HSPA4: variants seen among roughly 807,000 people sequenced by gnomAD.
HSPA4 encodes heat shock 70 kDa protein 4.
Under a neutral mutation model 106.2 loss-of-function variants are expected in HSPA4, and 25 were observed. The observed-to-expected ratio is 0.24, with a 90% confidence interval of 0.17 to 0.33. HSPA4 has a LOEUF of 0.33. Among genes scored for constraint, HSPA4 ranks in the 10% least tolerant of loss-of-function variants. The pLI is 1.00. For synonymous variants in HSPA4, 332 were observed against 333.6 expected, an observed-to-expected ratio of 1.00 and a Z score of 0.05; for missense variants, 841 against 996.0, an observed-to-expected ratio of 0.84 and a Z score of 2.10.
intron 12 of HSPA4, 33 bp downstream of exon 12, chr5:133,091,407 C>G: frequency 6.6e-7 from 1 of 1,522,404 alleles, no homozygotes; most frequent in South Asian, 1.2e-5. Context: ...CTTGTGATGG[C>G]CCAGAGGTGA....
Position 133,065,104 on chromosome 5 carries a change from T to C in HSPA4, c.165+67T>C. 3.0e-6 allele frequency: 4 copies of C among 1,318,822 alleles called. No individual in the cohort carries two copies. The South Asian group carries it at 4.7e-5, about 16-fold the overall frequency. 81.7% of individuals were successfully genotyped at this position (1,318,822 alleles called of 1,614,324 possible). On this transcript the variant is annotated intron_variant, in intron 2 of 18. Coordinates refer to ENST00000304858, the MANE Select transcript of HSPA4 (RefSeq NM_002154.4). ...TTCATCCATGTGTTCAGCAAGTAGT[T>C]GAATGCCCATTATGTGCCTAACACT...
intron 17 of HSPA4, among the ~76,000 whole-genome samples, chr5:133,103,069 T>G (rs1329717789): frequency 6.6e-6 from 1 of 151,864 alleles, no homozygotes; most frequent in Non-Finnish European, 1.5e-5. Context: ...TTTTTCCTCC[T>G]TCTTTTTTGT....
chr5:133,089,272 G>T, intron 10 of HSPA4, 111 bp downstream of exon 10: 1 of 651,570 alleles, frequency 1.5e-6, no homozygotes, highest in Non-Finnish European at 2.6e-6. Flanking sequence ...TTATCATAGT[G>T]CATGAAGGAA....
chr5:133,103,036 C>G (rs969592228), intron 17 of HSPA4, among the ~76,000 whole-genome samples: 1 of 150,426 alleles, frequency 6.6e-6, no homozygotes, highest in African/African-American at 2.5e-5. Context: ...CATTAGCCAT[C>G]AGGCCCCTCC....
chr5:133,052,350 T>C lies in HSPA4; in HGVS notation c.100T>C (p.Cys34Arg), dbSNP rs148126225. The C allele has an allele frequency of 5.8e-5, 90 of 1,553,602 alleles. No individual in the cohort carries two copies. The highest frequency in any genetic ancestry group is 7.0e-5 in the Non-Finnish European group (81 of 1,151,304). Residue 34 changes from cysteine (C) to arginine (R), a missense_variant, in exon 1 of 19, where the codon TGC (cysteine) becomes CGC (arginine). Coordinates refer to ENST00000304858, the MANE Select transcript of HSPA4 (RefSeq NM_002154.4). The part of the protein sequence containing the change: ...ETIANEYSDR[C>R]TPACISFGPK... ...TATCGCTAATGAGTATAGCGACCGC[T>C]GCACGCCGTAAGTGTGGGCCGGGCC...
At chr5:133,086,883 G>C (rs375369566) in intron 8 of HSPA4, 25 bp downstream of exon 8, 2 of 1,510,020 alleles carry the variant, frequency 1.3e-6, no homozygotes, top group South Asian at 1.1e-5. Flanking sequence ...GATTGAATTT[G>C]TTTGCGTATC....
chr5:133,079,777 A>G (rs992081655), intron 7 of HSPA4, among the ~76,000 whole-genome samples: 6 of 152,088 alleles, frequency 3.9e-5, no homozygotes, highest in Admixed American at 3.9e-4. Context: ...CTTATTTTCA[A>G]TTATTTGGAT....
intron 6 of HSPA4, 100 bp from the exon 7 acceptor site, chr5:133,076,554 C>T: frequency 9.7e-7 from 1 of 1,030,006 alleles, no homozygotes; most frequent in Non-Finnish European, 1.4e-6. Context: ...TGTAACCCTC[C>T]CTCTTTTTTT....
rs759737789 is a variant in HSPA4, at chr5:133,103,796, C to T, written c.2158-69C>T. The stretch of plus-strand genomic sequence containing the variant: ...ATAAGTTTTTGAAAAATGGCAGAAA[C>T]TAGACAGTAGTTGCGGGGAGGGAGG... On this transcript the variant is annotated intron_variant, in intron 17 of 18. Coordinates refer to ENST00000304858, the MANE Select transcript of HSPA4 (RefSeq NM_002154.4). 33 of 1,282,708 alleles carry T rather than the reference C, an allele frequency of 2.6e-5. 1 individual carries two copies. Among genetic ancestry groups the T allele is most frequent in the South Asian group, 9.5e-5 (7 of 73,744 alleles). The allele number at this position is 1,282,708 out of a possible 1,614,324, so 79.5% of individuals were successfully genotyped here.
intron 4 of HSPA4, 44 bp downstream of exon 4, chr5:133,070,540 G>A (rs777151732): frequency 6.2e-7 from 1 of 1,603,522 alleles, no homozygotes; most frequent in South Asian, 1.1e-5. Context: ...GCATGAAGAA[G>A]CAGAGAGAAG....
chr5:133,094,029 G>A (rs745575809), intron 13 of HSPA4, among the ~76,000 whole-genome samples: 23 of 152,266 alleles, frequency 1.5e-4, no homozygotes, highest in Non-Finnish European at 2.6e-4. Context: ...GGAGATGGAG[G>A]TTATGTGAGC....
chr5:133,058,205 A>C (rs1765191617), intron 1 of HSPA4, among the ~76,000 whole-genome samples: 2 of 152,180 alleles, frequency 1.3e-5, no homozygotes, highest in South Asian at 4.1e-4. Flanking sequence ...CAGTCTGGGC[A>C]ATATAGCGAG....
At chr5:133,079,156 A>G (rs1258784790) in intron 7 of HSPA4, among the ~76,000 whole-genome samples, 1 of 152,248 alleles carries the variant, frequency 6.6e-6, no homozygotes, top group African/African-American at 2.4e-5. Flanking sequence ...TTCAAGTATC[A>G]TAAAATTAAG....
At chr5:133,065,685 A>T (rs1765298592) in intron 2 of HSPA4, among the ~76,000 whole-genome samples, 1 of 152,192 alleles carries the variant, frequency 6.6e-6, no homozygotes, top group Non-Finnish European at 1.5e-5. Context: ...ATATAAGGTA[A>T]GTGTTGATCT....
chr5:133,052,186 G>T lies in HSPA4; in HGVS notation c.-65G>T. ...GGCCTGCTTTCCACTCGCTAGCCCC[G>T]CCGGGGGTCCGTGTCCTGTCTCGGT... On this transcript the variant is annotated 5_prime_UTR_variant, in exon 1 of 19. Transcript: ENST00000304858. 8.7e-7 allele frequency: 1 copy of T among 1,150,152 alleles called. No individual in the cohort carries two copies. Among genetic ancestry groups the T allele is most frequent in the Non-Finnish European group, 1.3e-6 (1 of 798,714 alleles). 71.2% of individuals were successfully genotyped at this position (1,150,152 alleles called of 1,614,324 possible).
intron 1 of HSPA4, among the ~76,000 whole-genome samples, chr5:133,057,294 C>T (rs1243845394): frequency 6.6e-6 from 1 of 151,556 alleles, no homozygotes; most frequent in Non-Finnish European, 1.5e-5. Flanking sequence ...CTCATTTTCT[C>T]CTATTGTTGA....
chr5:133,074,355 C>T lies in HSPA4; in HGVS notation c.663+229C>T, dbSNP rs1046817604. 8.6e-5 allele frequency among the ~76,000 whole-genome samples: 13 copies of T among 151,416 alleles called. No individual in the cohort carries two copies. The East Asian group carries it at 9.7e-4, about 11-fold the overall frequency. Reference sequence around the variant, plus strand: ...GTGCAATGGCGCGATCTTGGCTCACCGCAACCTCCACCTCCCAGGTTCAAG... The same window carrying T: ...GTGCAATGGCGCGATCTTGGCTCACTGCAACCTCCACCTCCCAGGTTCAAG... On this transcript the variant is annotated intron_variant, in intron 6 of 18. Coordinates refer to ENST00000304858, the MANE Select transcript of HSPA4 (RefSeq NM_002154.4).
At chr5:133,054,041 T>C (rs1765126934) in intron 1 of HSPA4, among the ~76,000 whole-genome samples, 1 of 147,254 alleles carries the variant, frequency 6.8e-6, no homozygotes, top group South Asian at 2.2e-4. Context: ...GAAACTAGAT[T>C]GTTCAGAAGT....
intron 7 of HSPA4, among the ~76,000 whole-genome samples, chr5:133,078,040 A>C (rs1209127596): frequency 6.6e-6 from 1 of 152,146 alleles, no homozygotes; most frequent in Non-Finnish European, 1.5e-5. Context: ...CTGTTGTTTG[A>C]AAATAGTTGT....
Sources: gnomAD v4.1 joint callset for allele counts (sites outside exome capture counted in the v4.1 genomes callset) on GRCh38, gnomAD v4.1.1 for gene constraint, MANE v1.5 for transcripts, NCBI Gene and HGNC (gene_info 2026-07-23, HGNC 2026-07-21) for gene names.